The following DMD variants were observed in gnomAD, a reference collection of about 807,000 sequenced individuals.
The protein encoded by DMD is dystrophin.
DMD carries 63 observed loss-of-function variants against 330.1 expected under a neutral mutation model. That is an observed-to-expected ratio of 0.19 (90% CI 0.16 to 0.24). The LOEUF (loss-of-function observed/expected upper bound fraction) is 0.24. Ranked by LOEUF, DMD falls within the 10% of genes least tolerant of loss-of-function variation. The probability of loss-of-function intolerance (pLI) is 1.00; values close to 1 mark genes in which losing one functional copy is unlikely to be tolerated. For synonymous variants in DMD, 1,223 were observed against 959.8 expected (o/e 1.27, Z -5.07); for missense variants, 3,344 against 2,684.1 (o/e 1.25, Z -5.43).
chrX:31,209,813 A>G lies in DMD; in HGVS notation c.9362-114T>C, dbSNP rs72466555. On this transcript the variant is annotated intron_variant, in intron 64 of 78. Coordinates refer to ENST00000357033, the MANE Select transcript of DMD (RefSeq NM_004006.3). ...TCTCTCATACCCTTTAATAAACACC[A>G]AACGTGAACCACACTCTCTTTGAAA... The G allele has an allele frequency of 1.9e-4, 129 of 683,939 alleles. 4 individuals carry two copies. Among genetic ancestry groups the G allele is most frequent in the East Asian group, 1.8e-3 (51 of 28,417 alleles). 56.4% of individuals were successfully genotyped at this position (683,939 alleles called of 1,213,427 possible).
At chrX:32,447,425 G>A (rs993518255) in intron 27 of DMD, among the ~76,000 whole-genome samples, 9 of 110,942 alleles carry the variant, frequency 8.1e-5, no homozygotes, top group African/African-American at 2.9e-4. Flanking sequence ...GAAGAGCTTA[G>A]AACTGATAAT....
At chrX:32,648,841 A>C (rs987044392) in intron 9 of DMD, among the ~76,000 whole-genome samples, 1 of 111,550 alleles carries the variant, frequency 9.0e-6, no homozygotes, top group African/African-American at 3.3e-5. Flanking sequence ...ATTGTACCTA[A>C]GATTGGAGAT....
chrX:32,435,211 G>GATATAT (rs57151769), intron 29 of DMD, among the ~76,000 whole-genome samples: 16,590 of 94,298 alleles, frequency 0.18, 1,750 homozygotes, highest in East Asian at 0.6. Flanking sequence ...CCCTCAGTGG[G>GATATAT]ATATATATAT....
intron 44 of DMD, among the ~76,000 whole-genome samples, chrX:32,176,030 C>T (rs2096905372): frequency 9.0e-6 from 1 of 111,491 alleles, no homozygotes; most frequent in African/African-American, 3.3e-5. Context: ...CTTTATCCTT[C>T]TCCAACATAC....
chrX:31,126,709 A>T (rs2033720329), intron 77 of DMD, 36 bp from the exon 78 acceptor site: 1 of 1,091,974 alleles, frequency 9.2e-7, no homozygotes, highest in East Asian at 3.0e-5. Flanking sequence ...CAGAGATATC[A>T]GAAAGGGAAA....
chrX:32,319,387 A>G (rs767519305), intron 41 of DMD, among the ~76,000 whole-genome samples: 1 of 111,779 alleles, frequency 8.9e-6, no homozygotes, highest in African/African-American at 3.2e-5. Flanking sequence ...CCTAGTACCT[A>G]GCATACAGTA....
At chrX:32,891,545 T>C (rs772887407) in intron 2 of DMD, among the ~76,000 whole-genome samples, 2 of 111,749 alleles carry the variant, frequency 1.8e-5, no homozygotes, top group Non-Finnish European at 3.8e-5. Flanking sequence ...GAGAAGACAA[T>C]CTAATAAAGC....
At chrX:32,168,607 G>A (rs1422514043) in intron 44 of DMD, among the ~76,000 whole-genome samples, 1 of 108,057 alleles carries the variant, frequency 9.3e-6, no homozygotes, top group Non-Finnish European at 1.9e-5. Context: ...AAGTATGGGA[G>A]CAACTTTAAG....
chrX:33,329,601 G>A (rs1226874166), intron 1 of DMD, among the ~76,000 whole-genome samples: 1 of 111,653 alleles, frequency 9.0e-6, no homozygotes, highest in Non-Finnish European at 1.9e-5. Context: ...ACAACTACAA[G>A]AAACAAATTA....
chrX:32,958,771 AATTT>A (rs2091735426), intron 2 of DMD, among the ~76,000 whole-genome samples: 1 of 111,283 alleles, frequency 9.0e-6, no homozygotes, highest in Non-Finnish European at 1.9e-5. Flanking sequence ...CTTATTGGTT[AATTT>A]ATTACCTCAT....
At chrX:32,271,312 A>G (rs908970596) in intron 43 of DMD, among the ~76,000 whole-genome samples, 1 of 112,552 alleles carries the variant, frequency 8.9e-6, no homozygotes, top group African/African-American at 3.2e-5. Context: ...TCAAATGTGC[A>G]TCTAAATTGT....
chrX:32,692,137 G>C (rs746047561), intron 9 of DMD, among the ~76,000 whole-genome samples: 1 of 112,002 alleles, frequency 8.9e-6, no homozygotes, highest in South Asian at 3.7e-4. Flanking sequence ...AGTTAAGAGG[G>C]TGAATCCCAT....
intron 1 of DMD, among the ~76,000 whole-genome samples, chrX:33,130,559 A>AATAT (rs759132318): frequency 9.6e-6 from 1 of 103,862 alleles, no homozygotes; most frequent in African/African-American, 3.7e-5. Flanking sequence ...TATATATATA[A>AATAT]ATATATATAT....
intron 59 of DMD, among the ~76,000 whole-genome samples, chrX:31,470,653 G>C (rs1445161787): frequency 1.8e-5 from 2 of 112,283 alleles, no homozygotes; most frequent in Admixed American, 9.4e-5. Context: ...AAGGCAGTCT[G>C]TCCCTTAGCA....
At chrX:31,390,999 C>T (rs1277460053) in intron 60 of DMD, among the ~76,000 whole-genome samples, 1 of 111,689 alleles carries the variant, frequency 9.0e-6, no homozygotes, top group East Asian at 2.8e-4. Context: ...CATTCCCCTC[C>T]CTGTTCATAT....
chrX:31,317,961 T>C (rs1301380052), intron 62 of DMD, among the ~76,000 whole-genome samples: 1 of 112,386 alleles, frequency 8.9e-6, no homozygotes, highest in Non-Finnish European at 1.9e-5. Context: ...AGTTAGGCAC[T>C]GCTCCCTCTG....
At chrX:32,713,730 T>C (rs946450354) in intron 7 of DMD, among the ~76,000 whole-genome samples, 2 of 111,863 alleles carry the variant, frequency 1.8e-5, no homozygotes, top group Non-Finnish European at 3.8e-5. Context: ...AATACAAATA[T>C]AGATACACAG....
intron 45 of DMD, among the ~76,000 whole-genome samples, chrX:31,936,148 G>C (rs957335215): frequency 1.8e-5 from 2 of 111,111 alleles, no homozygotes; most frequent in Non-Finnish European, 3.8e-5. Flanking sequence ...CACCATTATT[G>C]TGTTATTAGG....
intron 21 of DMD, among the ~76,000 whole-genome samples, chrX:32,480,709 T>C (rs1341945094): frequency 5.5e-5 from 6 of 109,661 alleles, no homozygotes; most frequent in Non-Finnish European, 1.1e-4. Context: ...TATGTATAGC[T>C]TTAACTTGGC....
Sources: gnomAD v4.1 joint callset for allele counts (sites outside exome capture counted in the v4.1 genomes callset) on GRCh38, gnomAD v4.1.1 for gene constraint, MANE v1.5 for transcripts, NCBI Gene and HGNC (gene_info 2026-07-23, HGNC 2026-07-21) for gene names.